The following MGMT variants were observed in gnomAD, a reference collection of about 807,000 sequenced individuals.
MGMT encodes the protein methylated-DNA--protein-cysteine methyltransferase.
MGMT carries 14 observed loss-of-function variants against 15.9 expected under a neutral mutation model. The observed-to-expected ratio is 0.88, with a 90% CI of 0.58 to 1.37. The LOEUF (loss-of-function observed/expected upper bound fraction) is 1.37. Ranked by LOEUF, MGMT falls within the 40% of genes most tolerant of loss-of-function variation. MGMT has a pLI of 0.00. For missense variants in MGMT, 282 were observed against 268.1 expected, an observed-to-expected ratio of 1.05 and a Z score of -0.36; for synonymous variants, 130 against 118.2, an observed-to-expected ratio of 1.10 and a Z score of -0.65.
At position 129,760,763 on chromosome 10, in the gene MGMT, TAA is replaced by T. The variant is rs141453023; in HGVS notation, c.414+1425_414+1426del. ...AATCTAGGCGAGCTTTCTACCCTAT[TAA>T]AATATCCCAAATATCCCAGGAGTGA... On this transcript the variant is annotated intron_variant, in intron 4 of 4. Coordinates refer to ENST00000651593, the MANE Select transcript of MGMT (RefSeq NM_002412.5). Among the ~76,000 whole-genome samples, 1,172 of 152,238 alleles carry T rather than the reference TAA, an allele frequency of 7.7e-3. 14 individuals are homozygous for T. Among genetic ancestry groups the T allele is most frequent in the African/African-American group, 0.026 (1,063 of 41,532 alleles).
chr10:129,715,574 G>A (rs1848284679), intron 3 of MGMT: 1 of 152,152 alleles, frequency 6.6e-6, no homozygotes, highest in South Asian at 2.1e-4. Context: ...CGTCTCTTTT[G>A]TCGTCATAAA....
intron 2 of MGMT, among the ~76,000 whole-genome samples, chr10:129,563,248 A>G (rs1846301223): frequency 1.3e-5 from 2 of 152,092 alleles, no homozygotes; most frequent in African/African-American, 2.4e-5. Context: ...CGTGCTGGCC[A>G]TGGTCCCAGG....
At chr10:129,581,655 TA>T (rs1402279301) in intron 2 of MGMT, among the ~76,000 whole-genome samples, 1 of 152,080 alleles carries the variant, frequency 6.6e-6, no homozygotes, top group Non-Finnish European at 1.5e-5. Context: ...TTCCTTTCTT[TA>T]AAAAACAAAA....
intron 2 of MGMT, among the ~76,000 whole-genome samples, chr10:129,687,714 A>C (rs1293360235): frequency 9.5e-6 from 1 of 104,738 alleles, no homozygotes; most frequent in Non-Finnish European, 2.0e-5. Context: ...TTTTTTTTTT[A>C]TACTTTAAGT....
rs534934938 is a variant in MGMT, at chr10:129,519,519, G to A, written c.-12-16722G>A. Among the ~76,000 whole-genome samples the A allele has an allele frequency of 3.9e-5, 6 of 152,290 alleles. No homozygotes were observed. The South Asian group carries it at 8.3e-4, about 21-fold the overall frequency. ...GCCTTGCGGTGAGATGGAGCCTGTC[G>A]CTCCAGGAGCACGAGACCTTTACGG... On this transcript the variant is annotated intron_variant, in intron 1 of 4. Coordinates refer to ENST00000651593, the MANE Select transcript of MGMT (RefSeq NM_002412.5).
At chr10:129,747,972 A>T (rs1848712909) in intron 3 of MGMT, among the ~76,000 whole-genome samples, 1 of 152,178 alleles carries the variant, frequency 6.6e-6, no homozygotes, top group East Asian at 1.9e-4. Flanking sequence ...CGTATCAAGG[A>T]GTCATGCTGT....
intron 2 of MGMT, among the ~76,000 whole-genome samples, chr10:129,661,936 C>T (rs910354117): frequency 1.3e-5 from 2 of 152,206 alleles, no homozygotes; most frequent in African/African-American, 2.4e-5. Context: ...CATCTACCCT[C>T]ATCACTGAAA....
intron 2 of MGMT, among the ~76,000 whole-genome samples, chr10:129,577,640 A>T (rs1381119968): frequency 3.9e-5 from 6 of 152,218 alleles, no homozygotes; most frequent in Non-Finnish European, 7.3e-5. Flanking sequence ...GGACTTCATA[A>T]CCAAAACACC....
At chr10:129,740,510 C>T (rs1252907440) in intron 3 of MGMT, among the ~76,000 whole-genome samples, 1 of 152,232 alleles carries the variant, frequency 6.6e-6, no homozygotes, top group Middle Eastern at 3.2e-3. Context: ...CTGCACTGTC[C>T]TTTCCACATA....
intron 2 of MGMT, among the ~76,000 whole-genome samples, chr10:129,554,792 GGT>G (rs1461202413): frequency 1.3e-5 from 2 of 152,080 alleles, no homozygotes; most frequent in Non-Finnish European, 2.9e-5. Context: ...CTGAACAGCA[GGT>G]ATGCCAGCCT....
At chr10:129,747,656 T>C (rs1848709606) in intron 3 of MGMT, among the ~76,000 whole-genome samples, 1 of 152,204 alleles carries the variant, frequency 6.6e-6, no homozygotes. Context: ...TTATGATTCA[T>C]GAACCATTGT....
At position 129,479,776 on chromosome 10, in the gene MGMT, G is replaced by A. The variant is rs545426462; in HGVS notation, c.-13+12480G>A. On this transcript the variant is annotated intron_variant, in intron 1 of 4. Coordinates refer to ENST00000651593, the MANE Select transcript of MGMT (RefSeq NM_002412.5). ...GTCCCTAAAGGGCCCTCTCCGTGTT[G>A]TGGAGGGGTTGGGGTGGGGGTGGAG... Among the ~76,000 whole-genome samples, 3 of 151,192 alleles carry A rather than the reference G, an allele frequency of 2.0e-5. No individual in the cohort carries two copies. The South Asian group carries it at 6.3e-4, about 32-fold the overall frequency.
intron 2 of MGMT, among the ~76,000 whole-genome samples, chr10:129,674,331 T>A (rs1411316510): frequency 6.6e-6 from 1 of 152,090 alleles, no homozygotes; most frequent in East Asian, 1.9e-4. Context: ...CTGCATTGTT[T>A]GGATGTGATG....
At chr10:129,515,775 G>C (rs1845731911) in intron 1 of MGMT, among the ~76,000 whole-genome samples, 1 of 152,140 alleles carries the variant, frequency 6.6e-6, no homozygotes. Context: ...GTAAAAGCAG[G>C]TTTACTTAGC....
intron 2 of MGMT, among the ~76,000 whole-genome samples, chr10:129,691,603 C>T (rs1169040974): frequency 2.6e-5 from 4 of 152,078 alleles, no homozygotes; most frequent in African/African-American, 7.2e-5. Context: ...CGGCGGTGGC[C>T]GGGGGGAGCA....
At chr10:129,696,403 C>T (rs776900071) in intron 2 of MGMT, among the ~76,000 whole-genome samples, 33 of 152,224 alleles carry the variant, frequency 2.2e-4, no homozygotes, top group Non-Finnish European at 4.3e-4. Flanking sequence ...CAGGTTCCGA[C>T]TGCAGAGTCC....
chr10:129,545,473 C>T (rs947617206), intron 2 of MGMT, among the ~76,000 whole-genome samples: 2 of 152,184 alleles, frequency 1.3e-5, no homozygotes, highest in Admixed American at 6.5e-5. Flanking sequence ...TGTAAAGTTA[C>T]GACATGAGCT....
At chr10:129,496,151 G>T (rs1845518730) in intron 1 of MGMT, among the ~76,000 whole-genome samples, 1 of 152,142 alleles carries the variant, frequency 6.6e-6, no homozygotes, top group Non-Finnish European at 1.5e-5. Flanking sequence ...ATTTCTTAGA[G>T]ATCAAATGTT....
chr10:129,552,202 G>T (rs117318136), intron 2 of MGMT, among the ~76,000 whole-genome samples: 3 of 152,340 alleles, frequency 2.0e-5, no homozygotes, highest in African/African-American at 7.2e-5. Flanking sequence ...ATGGCCGAGC[G>T]CCCCGTTTCC....
Sources: allele counts gnomAD v4.1 joint callset (sites outside exome capture counted in the v4.1 genomes callset), GRCh38; gene constraint gnomAD v4.1.1; transcripts MANE v1.5; gene names NCBI Gene and HGNC (gene_info 2026-07-23, HGNC 2026-07-21).